TMEM65: variants seen among roughly 807,000 people sequenced by gnomAD.
TMEM65 encodes the protein transmembrane protein 65.
In TMEM65, 22 loss-of-function variants were observed where a neutral mutation model predicts 25.4. The observed-to-expected ratio is 0.86, with a 90% confidence interval of 0.62 to 1.23. TMEM65 has a LOEUF of 1.23. Ranked by LOEUF, TMEM65 falls within the 50% of genes most tolerant of loss-of-function variation. TMEM65 has a pLI of 0.00. For synonymous variants in TMEM65, 132 were observed against 126.2 expected, an observed-to-expected ratio of 1.05 and a Z score of -0.31; for missense variants, 262 against 308.2, an observed-to-expected ratio of 0.85 and a Z score of 1.12.
At chr8:124,337,881 T>C (rs1814531202) in intron 1 of TMEM65, among the ~76,000 whole-genome samples, 1 of 152,066 alleles carries the variant, frequency 6.6e-6, no homozygotes, top group Admixed American at 6.5e-5. Flanking sequence ...ATACTCATAG[T>C]TGCATATGTT....
intron 1 of TMEM65, among the ~76,000 whole-genome samples, chr8:124,336,245 C>T (rs919966481): frequency 1.3e-5 from 2 of 151,998 alleles, no homozygotes; most frequent in African/African-American, 4.8e-5. Flanking sequence ...AAGGGCAAAA[C>T]AAACACTTCC....
intron 6 of TMEM65, 85 bp from the exon 7 acceptor site, chr8:124,314,146 A>G: frequency 9.5e-7 from 1 of 1,050,568 alleles, no homozygotes; most frequent in Non-Finnish European, 1.4e-6. Flanking sequence ...AGCTCTTCTC[A>G]ATATATTTGG....
At chr8:124,338,765 T>A (rs1311957312) in intron 1 of TMEM65, among the ~76,000 whole-genome samples, 1 of 152,204 alleles carries the variant, frequency 6.6e-6, no homozygotes, top group Non-Finnish European at 1.5e-5. Context: ...CTTTTTAGGA[T>A]AAACTATGCC....
rs1814129813 is a variant in TMEM65 at position 124,309,424 on chromosome 8, G to A, written c.*4536C>T. On this transcript the variant is annotated 3_prime_UTR_variant, in exon 7 of 7. Transcript: ENST00000297632. ...GTGCCATTTTCACCTACTGCTGTCA[G>A]TAAACATGCAAGAAGTAAGTATTAA... 1 of 152,196 alleles carries A rather than the reference G, an allele frequency of 6.6e-6. No individual in the cohort carries two copies. Among genetic ancestry groups the A allele is most frequent in the African/African-American group, 2.4e-5 (1 of 41,454 alleles). 9.4% of individuals were successfully genotyped at this position (152,196 alleles called of 1,614,324 possible). A position where few individuals can be genotyped will look rare whatever the true frequency, so the allele number is the denominator to read the frequency against.
chr8:124,311,791 T>A lies in TMEM65; in HGVS notation c.*2169A>T, dbSNP rs1054756795. On this transcript the variant is annotated 3_prime_UTR_variant, in exon 7 of 7. Coordinates refer to ENST00000297632, the MANE Select transcript of TMEM65 (RefSeq NM_194291.3). ...TTCAGTTAAAGACAAATGGTCTCCA[T>A]TTTTTGAAAATTACCTGAATGATTC... 5 of 152,212 alleles carry A rather than the reference T, an allele frequency of 3.3e-5. No homozygotes were observed. Among genetic ancestry groups the A allele is most frequent in the Non-Finnish European group, 4.4e-5 (3 of 67,978 alleles). 9.4% of individuals were successfully genotyped at this position (152,212 alleles called of 1,614,324 possible).
intron 6 of TMEM65, among the ~76,000 whole-genome samples, chr8:124,317,620 A>AG (rs2131193817): frequency 1.3e-5 from 2 of 152,338 alleles, no homozygotes; most frequent in East Asian, 3.9e-4. Flanking sequence ...GCACATTTTA[A>AG]GGCGGCCTCC....
In TMEM65 at chr8:124,313,130, A is replaced by T. The variant is rs988601968; in HGVS notation, c.*830T>A. On this transcript the variant is annotated 3_prime_UTR_variant, in exon 7 of 7. Coordinates refer to ENST00000297632, the MANE Select transcript of TMEM65 (RefSeq NM_194291.3). ...TTTAGTCTCTTAATTTCCAAGCATC[A>T]TGTTAAATCCCTTAGTTCAATCTAA... 6.6e-6 allele frequency: 1 copy of T among 151,898 alleles called. No homozygotes were observed. Among genetic ancestry groups the T allele is most frequent in the African/African-American group, 2.4e-5 (1 of 41,414 alleles). The allele number at this position is 151,898 out of a possible 1,614,324, so 9.4% of individuals were successfully genotyped here.
chr8:124,372,127 G>C lies in TMEM65; in HGVS notation c.31C>G (p.Arg11Gly). 4 of 1,178,604 alleles carry C rather than the reference G, an allele frequency of 3.4e-6. No homozygotes were observed. The highest frequency in any genetic ancestry group is 4.2e-6 in the Non-Finnish European group (4 of 947,930). The allele number at this position is 1,178,604 out of a possible 1,614,324, so 73.0% of individuals were successfully genotyped here. ...CCCGGCCTCAGGCTGCGCGCGGTCCGGCTCCTCAGCAGCGGCAGCAGCCGG... is the reference window on the plus strand; with the variant it reads ...CCCGGCCTCAGGCTGCGCGCGGTCCCGCTCCTCAGCAGCGGCAGCAGCCGG... MSRLLPLLRS[R>G]TARSLRPGPA... Residue 11 changes from arginine to glycine, a missense_variant, in exon 1 of 7, where the codon CGG becomes GGG. Physicochemically the swap from Arg to Gly is moderately radical, Grantham distance 125 (BLOSUM62 -2). Coordinates refer to ENST00000297632, the MANE Select transcript of TMEM65 (RefSeq NM_194291.3).
chr8:124,316,867 T>G (rs1290303085), intron 6 of TMEM65, among the ~76,000 whole-genome samples: 1 of 152,168 alleles, frequency 6.6e-6, no homozygotes. Flanking sequence ...ACATGTAAAC[T>G]AAAAGGAAAA....
intron 1 of TMEM65, among the ~76,000 whole-genome samples, chr8:124,352,537 TA>T (rs869142670): frequency 3.8e-5 from 5 of 131,996 alleles, no homozygotes; most frequent in Admixed American, 7.6e-5. Context: ...TAAAATAAAA[TA>T]AAAATACAGG....
Position 124,327,433 on chromosome 8 carries a change from C to A in TMEM65, c.350-12G>T. On this transcript the variant is annotated splice_polypyrimidine_tract_variant and intron_variant, in intron 2 of 6. Coordinates refer to ENST00000297632, the MANE Select transcript of TMEM65 (RefSeq NM_194291.3). ...ATTGTGGATGAATACTGAAAAACAT[C>A]AAAAACAGAAAAATATATTTTAAGA... is the stretch of plus-strand genomic sequence containing the variant. 1 of 1,556,476 alleles carries A rather than the reference C, an allele frequency of 6.4e-7. No homozygotes were observed. Among genetic ancestry groups the A allele is most frequent in the South Asian group, 1.2e-5 (1 of 82,982 alleles).
chr8:124,314,980 A>G (rs1181373533), intron 6 of TMEM65, among the ~76,000 whole-genome samples: 1 of 152,158 alleles, frequency 6.6e-6, no homozygotes, highest in Non-Finnish European at 1.5e-5. Flanking sequence ...AGATCATTAT[A>G]AAAATTTAAA....
intron 6 of TMEM65, among the ~76,000 whole-genome samples, chr8:124,317,129 T>C (rs1429594456): frequency 5.3e-5 from 8 of 152,208 alleles, no homozygotes; most frequent in Non-Finnish European, 1.2e-4. Flanking sequence ...GTGTATGTTT[T>C]TGTACTCTGT....
intron 1 of TMEM65, among the ~76,000 whole-genome samples, chr8:124,355,943 C>T (rs1307885263): frequency 1.3e-5 from 2 of 152,136 alleles, no homozygotes; most frequent in Non-Finnish European, 2.9e-5. Flanking sequence ...CACCTTCTTG[C>T]AGGTTCTGTT....
Position 124,319,937 on chromosome 8 carries a change from G to C in TMEM65, c.621+149C>G, listed in dbSNP as rs542191929. On this transcript the variant is annotated intron_variant, in intron 6 of 6. Coordinates refer to ENST00000297632, the MANE Select transcript of TMEM65 (RefSeq NM_194291.3). ...TAAGGAGTTAATAACACAAATTACTGTTCTTCTGAAAACTGCCAACGTCTA... is the reference window on the plus strand; with the variant it reads ...TAAGGAGTTAATAACACAAATTACTCTTCTTCTGAAAACTGCCAACGTCTA... The C allele has an allele frequency of 3.0e-5, 15 of 505,614 alleles. No individual in the cohort carries two copies. In the East Asian group the frequency reaches 4.6e-4, roughly 15 times the overall value. The allele number at this position is 505,614 out of a possible 1,614,324, so 31.3% of individuals were successfully genotyped here. A position where few individuals can be genotyped will look rare whatever the true frequency, so the allele number is the denominator to read the frequency against.
intron 1 of TMEM65, among the ~76,000 whole-genome samples, chr8:124,354,640 A>C (rs1814756139): frequency 6.6e-6 from 1 of 152,174 alleles, no homozygotes; most frequent in Non-Finnish European, 1.5e-5. Context: ...TCCAGACAAC[A>C]CAAAAGTGTC....
intron 1 of TMEM65, among the ~76,000 whole-genome samples, chr8:124,348,062 GGGATTACAGGCAGTAGCCA>G (rs1355856062): frequency 4.3e-5 from 6 of 139,726 alleles, no homozygotes; most frequent in African/African-American, 1.7e-4. Flanking sequence ...GGCAGTAGCC[GGGATTACAGGCAGTAGCCA>G]GGATTACAGG....
intron 1 of TMEM65, among the ~76,000 whole-genome samples, chr8:124,333,758 A>C (rs1814466616): frequency 6.6e-6 from 1 of 152,206 alleles, no homozygotes; most frequent in Admixed American, 6.5e-5. Flanking sequence ...AGAAAAAGAA[A>C]TGACACTAAG....
At chr8:124,364,679 C>CTACA (rs1312882748) in intron 1 of TMEM65, among the ~76,000 whole-genome samples, 5 of 152,100 alleles carry the variant, frequency 3.3e-5, no homozygotes, top group Non-Finnish European at 7.4e-5. Context: ...ATTTTGTTAC[C>CTACA]TACAGTCTTT....
Sources: gnomAD v4.1 joint callset for allele counts (sites outside exome capture counted in the v4.1 genomes callset) on GRCh38, gnomAD v4.1.1 for gene constraint, MANE v1.5 for transcripts, NCBI Gene and HGNC (gene_info 2026-07-23, HGNC 2026-07-21) for gene names.